Variants in CA10 observed in about 807,000 individuals in gnomAD.
CA10 encodes the protein carbonic anhydrase-related protein 10.
In CA10, 14 loss-of-function variants were observed where a neutral mutation model predicts 44.2. The observed-to-expected ratio is 0.32, with a 90% CI of 0.21 to 0.50. The LOEUF is 0.50. Ranked by LOEUF, CA10 falls within the 20% of genes least tolerant of loss-of-function variation. The probability of loss-of-function intolerance (pLI) is 0.99; values close to 1 mark genes in which losing one functional copy is unlikely to be tolerated. For synonymous variants in CA10, 159 were observed against 141.6 expected (o/e 1.12, Z -0.87); for missense variants, 350 against 409.7 (o/e 0.85, Z 1.26).
chr17:51,754,416 T>G (rs1480608641), intron 3 of CA10, among the ~76,000 whole-genome samples: 3 of 68,298 alleles, frequency 4.4e-5, no homozygotes, highest in Non-Finnish European at 5.9e-5. Context: ...TATATATATA[T>G]ATATATATAT....
At chr17:52,060,500 C>T (rs1987353474) in intron 2 of CA10, among the ~76,000 whole-genome samples, 1 of 152,062 alleles carries the variant, frequency 6.6e-6, no homozygotes, top group Non-Finnish European at 1.5e-5. Context: ...AATTAGGGAC[C>T]TTGGATAAAG....
intron 5 of CA10, 66 bp from the exon 6 acceptor site, chr17:51,649,320 C>T: frequency 8.7e-7 from 1 of 1,145,390 alleles, no homozygotes; most frequent in Non-Finnish European, 1.3e-6. Flanking sequence ...CTCCCCGTGA[C>T]ATTCACTTAT....
chr17:52,038,380 G>T (rs185238441), intron 2 of CA10, among the ~76,000 whole-genome samples: 49 of 152,244 alleles, frequency 3.2e-4, no homozygotes, highest in Non-Finnish European at 2.9e-5. Context: ...GCTTGGAGAG[G>T]CTACCAATTT....
intron 6 of CA10, 69 bp from the exon 7 acceptor site, chr17:51,636,078 A>G: frequency 1.3e-6 from 1 of 793,388 alleles, no homozygotes; most frequent in Non-Finnish European, 2.0e-6. Flanking sequence ...ACATACATAC[A>G]TACATACATA....
In CA10 at chr17:51,635,715, T is replaced by G. The variant is rs1912795271; in HGVS notation, c.789+140A>C. 1.3e-5 allele frequency: 7 copies of G among 549,550 alleles called. No individual in the cohort carries two copies. In the South Asian group the frequency reaches 2.5e-4, roughly 19 times the overall value. The allele number at this position is 549,550 out of a possible 1,614,324, so 34.0% of individuals were successfully genotyped here. ...CTCCAGAACTGTGAGGCGATAAGTTTGTGTTAGTTTAAACTACCCAGTTTG... is the reference window on the plus strand; with the variant it reads ...CTCCAGAACTGTGAGGCGATAAGTTGGTGTTAGTTTAAACTACCCAGTTTG... On this transcript the variant is annotated intron_variant, in intron 7 of 8. Transcript: ENST00000451037.
intron 3 of CA10, among the ~76,000 whole-genome samples, chr17:51,804,304 T>A (rs1907047024): frequency 6.6e-6 from 1 of 152,232 alleles, no homozygotes; most frequent in Non-Finnish European, 1.5e-5. Context: ...CAATCATTCA[T>A]AAATTTTGAC....
intron 4 of CA10, among the ~76,000 whole-genome samples, chr17:51,714,854 C>T (rs1405190): frequency 0.065 from 9,863 of 152,150 alleles, 1,101 homozygotes; most frequent in African/African-American, 0.23. Context: ...CCTTCACATT[C>T]GTGATTCGGC....
intron 3 of CA10, among the ~76,000 whole-genome samples, chr17:51,818,591 T>C (rs973406759): frequency 2.6e-5 from 4 of 152,190 alleles, no homozygotes; most frequent in Non-Finnish European, 4.4e-5. Flanking sequence ...TTCTCCACAC[T>C]ACTTCACTGA....
chr17:52,118,320 A>G (rs764080522), intron 1 of CA10, among the ~76,000 whole-genome samples: 1 of 152,230 alleles, frequency 6.6e-6, no homozygotes, highest in Non-Finnish European at 1.5e-5. Flanking sequence ...AGACAAGAGA[A>G]AAATTTTTTG....
rs1406189753 is a variant in CA10, at chr17:52,076,518, A to G, written c.62-4125T>C. ...AACCAAATTCACCCTCCAAAAATCAATCAGCTGGAAGAGCCCATTTGATGT... is the reference window on the plus strand; with the variant it reads ...AACCAAATTCACCCTCCAAAAATCAGTCAGCTGGAAGAGCCCATTTGATGT... On this transcript the variant is annotated intron_variant, in intron 1 of 8. Coordinates refer to ENST00000451037, the MANE Select transcript of CA10 (RefSeq NM_020178.5). Among the ~76,000 whole-genome samples the G allele has an allele frequency of 3.3e-5, 5 of 152,318 alleles. No individual in the cohort carries two copies. The South Asian group carries it at 8.3e-4, about 25-fold the overall frequency.
intron 1 of CA10, among the ~76,000 whole-genome samples, chr17:52,081,913 G>T (rs1346475055): frequency 1.3e-5 from 2 of 152,012 alleles, no homozygotes; most frequent in African/African-American, 4.8e-5. Flanking sequence ...TTTTTAGTCT[G>T]AGTGACTAGA....
intron 3 of CA10, among the ~76,000 whole-genome samples, chr17:51,783,834 T>C (rs962876716): frequency 8.6e-4 from 131 of 152,272 alleles, no homozygotes; most frequent in African/African-American, 3.0e-3. Context: ...CTGAGGTTCA[T>C]CCTGGCCCAG....
intron 2 of CA10, among the ~76,000 whole-genome samples, chr17:51,942,310 G>A (rs1222024137): frequency 1.3e-5 from 2 of 151,972 alleles, no homozygotes; most frequent in Admixed American, 1.3e-4. Flanking sequence ...AACACAACTG[G>A]TCACCAAAGA....
chr17:51,808,967 T>TA (rs1907248243), intron 3 of CA10, among the ~76,000 whole-genome samples: 1 of 152,170 alleles, frequency 6.6e-6, no homozygotes, highest in South Asian at 2.1e-4. Flanking sequence ...CTAAATGTAT[T>TA]CTGTTTTTCA....
intron 4 of CA10, among the ~76,000 whole-genome samples, chr17:51,679,383 C>T (rs1306993376): frequency 2.6e-5 from 4 of 151,688 alleles, no homozygotes; most frequent in African/African-American, 9.7e-5. Flanking sequence ...CCTCAGCCTC[C>T]CTAGTAGCTG....
rs183987229 is a variant in CA10 at position 51,998,513 on chromosome 17, C to G, written c.137-67381G>C. The stretch of plus-strand genomic sequence containing the variant: ...AATTAGAGCACCATCCCTTTTTCCT[C>G]GAGTGGATTTCTCTTCTCATTTTCC... On this transcript the variant is annotated intron_variant, in intron 2 of 8. Transcript: ENST00000451037. Among the ~76,000 whole-genome samples, 446 of 152,138 alleles carry G rather than the reference C, an allele frequency of 2.9e-3. 3 individuals carry two copies. The highest frequency in any genetic ancestry group is 0.01 in the African/African-American group (424 of 41,554).
intron 2 of CA10, among the ~76,000 whole-genome samples, chr17:52,030,867 T>C (rs567530859): frequency 3.5e-4 from 54 of 152,248 alleles, no homozygotes; most frequent in African/African-American, 1.2e-3. Context: ...CTCTCAGGTC[T>C]TTGGTCATGG....
At chr17:51,894,342 G>C (rs536548556) in intron 3 of CA10, among the ~76,000 whole-genome samples, 1 of 152,106 alleles carries the variant, frequency 6.6e-6, no homozygotes, top group African/African-American at 2.4e-5. Context: ...GAATAAACTG[G>C]TGAATCATCT....
At chr17:51,975,026 C>T (rs952563392) in intron 2 of CA10, among the ~76,000 whole-genome samples, 1 of 151,982 alleles carries the variant, frequency 6.6e-6, no homozygotes, top group Non-Finnish European at 1.5e-5. Context: ...GTAAATAAAA[C>T]TTGTGTTTCT....
Sources: allele counts gnomAD v4.1 joint callset (sites outside exome capture counted in the v4.1 genomes callset), GRCh38; gene constraint gnomAD v4.1.1; transcripts MANE v1.5; gene names NCBI Gene and HGNC (gene_info 2026-07-23, HGNC 2026-07-21).